Variants in KAZN observed in about 807,000 individuals in gnomAD.
KAZN encodes kazrin, periplakin interacting protein.
Under a neutral mutation model 87.4 loss-of-function variants are expected in KAZN, and 40 were observed. The ratio of observed to expected loss-of-function variants is 0.46; its 90% CI spans 0.36 to 0.60. The LOEUF is 0.60. KAZN is among the 20% of genes least tolerant of loss of function. The pLI is 0.00. For missense variants in KAZN, 898 were observed against 1,073.9 expected, an observed-to-expected ratio of 0.84 and a Z score of 2.29; for synonymous variants, 466 against 458.3, an observed-to-expected ratio of 1.02 and a Z score of -0.22.
chr1:14,817,087 G>T (rs1429160817), intron 1 of KAZN, among the ~76,000 whole-genome samples: 1 of 152,188 alleles, frequency 6.6e-6, no homozygotes. Flanking sequence ...CTGCTTTGTT[G>T]TCATTGTGAC....
intron 1 of KAZN, among the ~76,000 whole-genome samples, chr1:14,622,594 G>A (rs1678793291): frequency 6.6e-6 from 1 of 150,402 alleles, no homozygotes; most frequent in South Asian, 2.1e-4. Context: ...AGGAGGCTGA[G>A]GCAGGAGAAT....
chr1:14,592,419 C>G (rs2148582738), intron 2 of KAZN, among the ~76,000 whole-genome samples: 1 of 152,294 alleles, frequency 6.6e-6, no homozygotes, highest in Middle Eastern at 3.4e-3. Flanking sequence ...CGGTGAGTCT[C>G]CAACTTCATG....
At chr1:14,542,694 C>G (rs908125310) in intron 2 of KAZN, among the ~76,000 whole-genome samples, 3 of 152,168 alleles carry the variant, frequency 2.0e-5, no homozygotes. Flanking sequence ...CTTTCACCCT[C>G]CCTACTCTCT....
intron 1 of KAZN, among the ~76,000 whole-genome samples, chr1:14,157,082 A>G (rs1645611140): frequency 6.6e-6 from 1 of 152,132 alleles, no homozygotes; most frequent in African/African-American, 2.4e-5. Flanking sequence ...TGATAACAGC[A>G]CCATTTGCAT....
At chr1:14,109,159 A>G (rs535750029) in intron 1 of KAZN, among the ~76,000 whole-genome samples, 41 of 152,342 alleles carry the variant, frequency 2.7e-4, no homozygotes, top group African/African-American at 9.6e-4. Context: ...GTGATGACTT[A>G]AGAGTGAAAT....
intron 14 of KAZN, 126 bp from the exon 15 acceptor site, chr1:15,114,345 A>AGC: frequency 1.4e-6 from 1 of 739,370 alleles, no homozygotes. Flanking sequence ...TAATAGGAGG[A>AGC]GCACACAGAG....
chr1:14,344,339 A>G (rs1657959190), intron 2 of KAZN, among the ~76,000 whole-genome samples: 1 of 152,148 alleles, frequency 6.6e-6, no homozygotes, highest in Admixed American at 6.5e-5. Context: ...GTGAAAAAAA[A>G]AAGAAATGTA....
chr1:14,766,134 G>C (rs1254699189), intron 1 of KAZN, among the ~76,000 whole-genome samples: 1 of 152,202 alleles, frequency 6.6e-6, no homozygotes, highest in Non-Finnish European at 1.5e-5. Context: ...ATGAGAGCGA[G>C]CTGCCACCGT....
At chr1:14,135,842 G>A (rs983696745) in intron 1 of KAZN, among the ~76,000 whole-genome samples, 1 of 152,162 alleles carries the variant, frequency 6.6e-6, no homozygotes, top group African/African-American at 2.4e-5. Flanking sequence ...TAAAATGGAG[G>A]CTGCTCAAAA....
chr1:14,098,077 C>A (rs1302587722), intron 1 of KAZN, among the ~76,000 whole-genome samples: 1 of 151,814 alleles, frequency 6.6e-6, no homozygotes, highest in African/African-American at 2.4e-5. Flanking sequence ...GAAACAGGTT[C>A]AAAGGTGTGG....
chr1:14,495,749 A>G (rs918960355), intron 2 of KAZN, among the ~76,000 whole-genome samples: 2 of 152,176 alleles, frequency 1.3e-5, no homozygotes, highest in African/African-American at 4.8e-5. Context: ...GTGATCCACC[A>G]TTGACTTGGT....
intron 1 of KAZN, among the ~76,000 whole-genome samples, chr1:14,901,313 A>T (rs773386519): frequency 6.6e-6 from 1 of 152,186 alleles, no homozygotes; most frequent in Non-Finnish European, 1.5e-5. Flanking sequence ...TAGTTACGGG[A>T]TAACAAGAAG....
chr1:14,234,432 A>G (rs1415959281), intron 2 of KAZN, among the ~76,000 whole-genome samples: 2 of 152,166 alleles, frequency 1.3e-5, no homozygotes, highest in Non-Finnish European at 2.9e-5. Context: ...GTGGGATAGC[A>G]TTAGGAGAAA....
chr1:14,588,055 G>T (rs1675966689), intron 2 of KAZN, among the ~76,000 whole-genome samples: 1 of 152,174 alleles, frequency 6.6e-6, no homozygotes, highest in African/African-American at 2.4e-5. Context: ...TGAGCTGTAA[G>T]ACCTTGGGGG....
intron 2 of KAZN, among the ~76,000 whole-genome samples, chr1:14,516,526 AAG>A (rs1334226129): frequency 6.6e-6 from 1 of 152,220 alleles, no homozygotes; most frequent in Non-Finnish European, 1.5e-5. Flanking sequence ...AGTTTATGCA[AAG>A]TGTTAGGAAG....
At chr1:14,363,638 C>A (rs1178074343) in intron 2 of KAZN, among the ~76,000 whole-genome samples, 1 of 152,168 alleles carries the variant, frequency 6.6e-6, no homozygotes, top group South Asian at 2.1e-4. Context: ...GAAACTTTAA[C>A]CTATGGGCCA....
Position 15,048,779 on chromosome 1 carries a change from GTTGATCCTTGGTCA to G in KAZN, c.726+4624_726+4637del, listed in dbSNP as rs970450327. On this transcript the variant is annotated intron_variant, in intron 4 of 14. Coordinates refer to ENST00000376030, the MANE Select transcript of KAZN (RefSeq NM_201628.3). ...GATCCTGGGTCGTCGATCCTGGGTC[GTTGATCCTTGGTCA>G]TTGGTCCTGAGTCGTTGGTCCTGGG... 1.5e-4 allele frequency among the ~76,000 whole-genome samples: 22 copies of G among 144,360 alleles called. 2 individuals carry two copies. The highest frequency in any genetic ancestry group is 5.1e-4 in the African/African-American group (19 of 37,352). 94.7% of individuals were successfully genotyped at this position (144,360 alleles called of 152,430 possible).
rs540582183 is a variant in KAZN, at chr1:14,699,396, G to A, written c.226+100173G>A. 1.6e-4 allele frequency among the ~76,000 whole-genome samples: 24 copies of A among 152,162 alleles called. 2 individuals are homozygous for A. The South Asian group carries it at 3.3e-3, about 21-fold the overall frequency. The stretch of plus-strand genomic sequence containing the variant: ...AAAAGAAAGAGCTTAGTGATACTCT[G>A]TGTTCATTTCAACAAATATGCATTG... On this transcript the variant is annotated intron_variant, in intron 1 of 14. Transcript: ENST00000376030.
At chr1:14,301,841 T>G (rs761014645) in intron 2 of KAZN, among the ~76,000 whole-genome samples, 78 of 152,280 alleles carry the variant, frequency 5.1e-4, no homozygotes, top group Non-Finnish European at 9.9e-4. Flanking sequence ...AAAAGTCACC[T>G]CCTCCGAGAG....
Sources: allele counts gnomAD v4.1 joint callset (sites outside exome capture counted in the v4.1 genomes callset), GRCh38; gene constraint gnomAD v4.1.1; transcripts MANE v1.5; gene names NCBI Gene and HGNC (gene_info 2026-07-23, HGNC 2026-07-21).